AIMP1: variants seen among roughly 807,000 people sequenced by gnomAD.
AIMP1 encodes the protein aminoacyl tRNA synthetase complex interacting multifunctional protein 1.
AIMP1 carries 24 observed loss-of-function variants against 33.1 expected under a neutral mutation model. The observed-to-expected ratio is 0.73, with a 90% confidence interval of 0.53 to 1.02. The LOEUF (loss-of-function observed/expected upper bound fraction) is 1.02, where lower values mean the gene tolerates loss of function less well. AIMP1 is among the 50% of genes least tolerant of loss of function. The pLI is 0.00. For synonymous variants in AIMP1, 120 were observed against 121.5 expected, an observed-to-expected ratio of 0.99 and a Z score of 0.08; for missense variants, 367 against 364.8, an observed-to-expected ratio of 1.01 and a Z score of -0.05.
intron 6 of AIMP1, among the ~76,000 whole-genome samples, chr4:106,338,198 G>A (rs1579642893): frequency 6.6e-6 from 1 of 152,328 alleles, no homozygotes; most frequent in South Asian, 2.1e-4. Context: ...TGAAGATGCA[G>A]TAGAAAAGAA....
intron 1 of AIMP1, among the ~76,000 whole-genome samples, chr4:106,323,467 A>G (rs1383920542): frequency 6.6e-6 from 1 of 152,156 alleles, no homozygotes; most frequent in Non-Finnish European, 1.5e-5. Flanking sequence ...ACAAAAATTC[A>G]AATGAAGATA....
intron 6 of AIMP1, among the ~76,000 whole-genome samples, chr4:106,342,565 A>G (rs1770136336): frequency 6.6e-6 from 1 of 152,140 alleles, no homozygotes; most frequent in African/African-American, 2.4e-5. Flanking sequence ...TCTTAATTCT[A>G]TTTATGTGGT....
intron 1 of AIMP1, among the ~76,000 whole-genome samples, chr4:106,317,189 G>A (rs1301389153): frequency 6.6e-6 from 1 of 152,216 alleles, no homozygotes; most frequent in Non-Finnish European, 1.5e-5. Context: ...GTAAAGGGCT[G>A]ACAGAAGTGG....
upstream of AIMP1, chr4:106,316,260 C>T: frequency 3.0e-6 from 1 of 338,870 alleles, no homozygotes; most frequent in Non-Finnish European, 5.5e-6. Context: ...CACCGCGACC[C>T]AACGCTGAGG....
intron 6 of AIMP1, among the ~76,000 whole-genome samples, chr4:106,346,648 C>T (rs1442427939): frequency 1.3e-5 from 2 of 152,052 alleles, no homozygotes; most frequent in Non-Finnish European, 2.9e-5. Flanking sequence ...AAATTTAAGC[C>T]ATTCTCCAGT....
chr4:106,332,901 C>T (rs1364967763), intron 5 of AIMP1, among the ~76,000 whole-genome samples: 1 of 151,916 alleles, frequency 6.6e-6, no homozygotes, highest in African/African-American at 2.4e-5. Flanking sequence ...GAATGCAATC[C>T]CAAAAAGTTT....
Position 106,319,551 on chromosome 4 carries a change from C to T in AIMP1, c.-26+2957C>T, listed in dbSNP as rs1276984662. Reference sequence around the variant, plus strand: ...ATAATATGTTTCAAAAGCTTTTGTCCTAAAAAATGCATTATTACCATTTTA... The same window carrying T: ...ATAATATGTTTCAAAAGCTTTTGTCTTAAAAAATGCATTATTACCATTTTA... On this transcript the variant is annotated intron_variant, in intron 1 of 6. Coordinates refer to ENST00000672341, the MANE Select transcript of AIMP1 (RefSeq NM_001142416.2). Among the ~76,000 whole-genome samples the T allele has an allele frequency of 2.6e-5, 4 of 151,860 alleles. No homozygotes were observed. In the East Asian group the frequency reaches 7.7e-4, roughly 29 times the overall value.
At chr4:106,329,453 A>G (rs1327965967) in intron 4 of AIMP1, among the ~76,000 whole-genome samples, 2 of 152,212 alleles carry the variant, frequency 1.3e-5, no homozygotes, top group Non-Finnish European at 1.5e-5. Context: ...AAATGGAGTT[A>G]TAAGATTAGA....
Position 106,327,556 on chromosome 4 carries a change from A to G in AIMP1, c.215A>G (p.Gln72Arg), listed in dbSNP as rs1160242253. ...CAAGAGCTAATTCAGGCAGAAATTC[A>G]AAATGGAGGTAATTAAATATAGAAA... ...LKQELIQAEI[Q>R]NGVKQIPFPS... Residue 72 changes from glutamine (Q) to arginine (R), a missense_variant, in exon 3 of 7, where the codon CAA becomes CGA. By Grantham distance (43) the Gln-to-Arg change is conservative (BLOSUM62 1). Coordinates refer to ENST00000672341, the MANE Select transcript of AIMP1 (RefSeq NM_001142416.2). 1 of 1,608,216 alleles carries G rather than the reference A, an allele frequency of 6.2e-7. No individual in the cohort carries two copies. The highest frequency in any genetic ancestry group is 2.2e-5 in the East Asian group (1 of 44,686).
At chr4:106,316,421 A>T, upstream of AIMP1, 1 of 907,392 alleles carries the variant, frequency 1.1e-6, no homozygotes, top group Non-Finnish European at 1.7e-6. Flanking sequence ...ATGGCAGGTT[A>T]ATGGGACTGA....
upstream of AIMP1, chr4:106,315,930 C>A (rs1231367613): frequency 6.5e-6 from 1 of 152,802 alleles, no homozygotes; most frequent in Non-Finnish European, 1.5e-5. Context: ...CAAATACCTG[C>A]CTCTGAGTCT....
chr4:106,327,424 A>G (rs1769494850), intron 2 of AIMP1, 27 bp from the exon 3 acceptor site: 1 of 1,527,032 alleles, frequency 6.5e-7, no homozygotes, highest in Non-Finnish European at 9.1e-7. Context: ...TTAAAAACAT[A>G]TTTTAACTGG....
intron 6 of AIMP1, among the ~76,000 whole-genome samples, chr4:106,340,126 T>C (rs1461608639): frequency 6.6e-6 from 1 of 152,160 alleles, no homozygotes; most frequent in East Asian, 1.9e-4. Context: ...TTTATTTGAC[T>C]AGAGTAATTG....
rs1770387576 is a variant in AIMP1 at position 106,348,541 on chromosome 4, A to G, written c.*849A>G. On this transcript the variant is annotated 3_prime_UTR_variant, in exon 7 of 7. Transcript: ENST00000672341. Reference sequence around the variant, plus strand: ...TCATGTGTCATCATACTGTCAGTATATTAAAAGAAATTACAGCCTAAAACT... The same window carrying G: ...TCATGTGTCATCATACTGTCAGTATGTTAAAAGAAATTACAGCCTAAAACT... The G allele has an allele frequency of 1.3e-5, 2 of 152,040 alleles. No individual in the cohort carries two copies. The highest frequency in any genetic ancestry group is 4.1e-4 in the South Asian group (2 of 4,820). 9.4% of individuals were successfully genotyped at this position (152,040 alleles called of 1,614,324 possible). A position where few individuals can be genotyped will look rare whatever the true frequency, so the allele number is the denominator to read the frequency against.
intron 1 of AIMP1, among the ~76,000 whole-genome samples, chr4:106,322,405 A>G (rs1405867189): frequency 1.3e-5 from 2 of 152,218 alleles, no homozygotes; most frequent in African/African-American, 4.8e-5. Flanking sequence ...TGCCAGTGCT[A>G]GTGATCATTA....
rs1579637273 is a variant in AIMP1 at position 106,331,834 on chromosome 4, C to A, written c.554C>A (p.Ala185Asp). ...YVEEVDVGEI[A>D]PRTVVSGLVN... ...GAAGAAGTAGATGTCGGAGAAATAG[C>A]CCCAAGGACAGTTGTCAGTGGCCTG... The change falls in exon 5 of 7, where the codon GCC becomes GAC. Residue 185 changes from alanine (A) to aspartate (D), a missense_variant. Ala to Asp is a moderately radical substitution (Grantham distance 126). Coordinates refer to ENST00000672341, the MANE Select transcript of AIMP1 (RefSeq NM_001142416.2). The A allele has an allele frequency of 6.2e-7, 1 of 1,614,088 alleles. No homozygotes were observed. The highest frequency in any genetic ancestry group is 1.1e-5 in the South Asian group (1 of 91,072).
At chr4:106,333,216 G>A (rs1001737243) in intron 5 of AIMP1, among the ~76,000 whole-genome samples, 5 of 152,016 alleles carry the variant, frequency 3.3e-5, no homozygotes, top group Non-Finnish European at 5.9e-5. Context: ...GAAGAGACTC[G>A]AGTATCTTTT....
At chr4:106,316,662 C>T in intron 1 of AIMP1, 68 bp downstream of exon 1, 1 of 1,492,556 alleles carries the variant, frequency 6.7e-7, no homozygotes, top group Non-Finnish European at 9.1e-7. Flanking sequence ...TCTTCCTTCT[C>T]TAACTTGCCT....
chr4:106,329,881 G>A (rs949726193), intron 4 of AIMP1, among the ~76,000 whole-genome samples: 1 of 146,812 alleles, frequency 6.8e-6, no homozygotes, highest in Non-Finnish European at 1.5e-5. Flanking sequence ...CACCTCCCGG[G>A]TTCAAGCAAT....
Sources: gnomAD v4.1 joint callset for allele counts (sites outside exome capture counted in the v4.1 genomes callset) on GRCh38, gnomAD v4.1.1 for gene constraint, MANE v1.5 for transcripts, NCBI Gene and HGNC (gene_info 2026-07-23, HGNC 2026-07-21) for gene names.